The following EPHA7 variants were observed in gnomAD, a reference collection of about 807,000 sequenced individuals.
EPHA7 encodes the protein ephrin type-A receptor 7.
Under a neutral mutation model 112.6 loss-of-function variants are expected in EPHA7, and 25 were observed. The ratio of observed to expected loss-of-function variants is 0.22; its 90% CI spans 0.16 to 0.31. The LOEUF is 0.31. Ranked by LOEUF, EPHA7 falls within the 10% of genes least tolerant of loss-of-function variation. The pLI is 1.00. For synonymous variants in EPHA7, 437 were observed against 406.5 expected (o/e 1.07, Z -0.90); for missense variants, 962 against 1,212.6 (o/e 0.79, Z 3.07).
rs374547252 is a variant in EPHA7 at position 93,256,008 on chromosome 6, C to T, written c.2202G>A (p.Gln734=). Residue 734 remains glutamine (Q), a synonymous_variant, in exon 13 of 17, where the codon CAG becomes CAA. Transcript: ENST00000369303. The part of the protein sequence containing the change: ...RKHDGQFTVI[Q]LVGMLRGIAA... ...CAATTCCTCTCAGCATTCCTACTAA[C>T]TGAATGACTGTAAATTGCCCATCAT... 25 of 1,613,924 alleles carry T rather than the reference C, an allele frequency of 1.5e-5. No homozygotes were observed. The highest frequency in any genetic ancestry group is 1.0e-5 in the Non-Finnish European group (12 of 1,180,002).
chr6:93,328,795 A>G (rs898037115), intron 5 of EPHA7, among the ~76,000 whole-genome samples: 6 of 151,438 alleles, frequency 4.0e-5, no homozygotes, highest in African/African-American at 1.5e-4. Context: ...AATAATAGGG[A>G]GAAAGAGGAA....
At chr6:93,254,919 T>A in intron 13 of EPHA7, 123 bp from the exon 14 acceptor site, 2 of 657,216 alleles carry the variant, frequency 3.0e-6, no homozygotes, top group Non-Finnish European at 5.0e-6. Context: ...TCTACCCATC[T>A]TGAATCTCTA....
At position 93,410,488 on chromosome 6, in the gene EPHA7, A is replaced by T. The variant is rs561923833; in HGVS notation, c.832+13T>A. ...AAAGGCAAAGTGGAGTTTTAATAGG[A>T]CACATTACTTACGTTCACAAGTGTC... On this transcript the variant is annotated intron_variant, in intron 3 of 16. Transcript: ENST00000369303. The surrounding 1 kb of genome is among the most constrained non-coding windows in gnomAD (Gnocchi z 4.0). 22 of 1,600,660 alleles carry T rather than the reference A, an allele frequency of 1.4e-5. No individual in the cohort carries two copies. In the South Asian group the frequency reaches 2.4e-4, roughly 18 times the overall value.
At chr6:93,379,583 T>A (rs1327738485) in intron 3 of EPHA7, among the ~76,000 whole-genome samples, 1 of 151,852 alleles carries the variant, frequency 6.6e-6, no homozygotes, top group Non-Finnish European at 1.5e-5. Flanking sequence ...TTTGGAAACA[T>A]AAAATACGTG....
chr6:93,289,012 GA>G (rs1350796953), intron 5 of EPHA7, among the ~76,000 whole-genome samples: 4 of 152,060 alleles, frequency 2.6e-5, no homozygotes, highest in Non-Finnish European at 5.9e-5. Flanking sequence ...TGCAACTTTA[GA>G]CATATATTAA....
At chr6:93,276,867 T>C (rs1771497415) in intron 5 of EPHA7, among the ~76,000 whole-genome samples, 1 of 152,042 alleles carries the variant, frequency 6.6e-6, no homozygotes, top group African/African-American at 2.4e-5. Flanking sequence ...TTTTTCTACA[T>C]TTACATGTTT....
At chr6:93,298,537 G>C (rs1772795360) in intron 5 of EPHA7, among the ~76,000 whole-genome samples, 1 of 152,056 alleles carries the variant, frequency 6.6e-6, no homozygotes, top group African/African-American at 2.4e-5. Flanking sequence ...AGCCATATTT[G>C]ATGAATAGTA....
chr6:93,292,893 TGTTTGCACTCATTTTGGAGAAG>T (rs1772454232), intron 5 of EPHA7, among the ~76,000 whole-genome samples: 1 of 152,130 alleles, frequency 6.6e-6, no homozygotes, highest in Non-Finnish European at 1.5e-5. Flanking sequence ...CATTTCTAAT[TGTTTGCACTCATTTTGGAGAAG>T]GTATAAACTC....
chr6:93,278,947 G>A (rs1771599378), intron 5 of EPHA7, among the ~76,000 whole-genome samples: 1 of 152,014 alleles, frequency 6.6e-6, no homozygotes, highest in Non-Finnish European at 1.5e-5. Flanking sequence ...TGATGTGCCA[G>A]GACATTAGGT....
chr6:93,418,590 G>A (rs1387256332), intron 1 of EPHA7, among the ~76,000 whole-genome samples: 1 of 152,228 alleles, frequency 6.6e-6, no homozygotes, highest in Non-Finnish European at 1.5e-5. Flanking sequence ...GCGCTGAATG[G>A]AGACATCCCC....
In EPHA7 at chr6:93,410,171, A is replaced by G; in HGVS notation, c.832+330T>C. ...ATCTCATTAAATCCTGTTAAATGTC[A>G]CCTCAGTCTTGCCAGGCTATATGTC... On this transcript the variant is annotated intron_variant, in intron 3 of 16. Coordinates refer to ENST00000369303, the MANE Select transcript of EPHA7 (RefSeq NM_004440.4). The surrounding 1 kb of genome is among the most constrained non-coding windows in gnomAD (Gnocchi z 4.0). 1 of 228,510 alleles carries G rather than the reference A, an allele frequency of 4.4e-6. No individual in the cohort carries two copies. Among genetic ancestry groups the G allele is most frequent in the Non-Finnish European group, 8.7e-6 (1 of 114,880 alleles). The allele number at this position is 228,510 out of a possible 1,614,324, so 14.2% of individuals were successfully genotyped here.
At position 93,410,190 on chromosome 6, in the gene EPHA7, A is replaced by G. The variant is rs1385273242; in HGVS notation, c.832+311T>C. 1.5e-5 allele frequency: 4 copies of G among 259,760 alleles called. No homozygotes were observed. Among genetic ancestry groups the G allele is most frequent in the South Asian group, 1.4e-4 (2 of 13,816 alleles). The allele number at this position is 259,760 out of a possible 1,614,324, so 16.1% of individuals were successfully genotyped here. A position where few individuals can be genotyped will look rare whatever the true frequency, so the allele number is the denominator to read the frequency against. On this transcript the variant is annotated intron_variant, in intron 3 of 16. Coordinates refer to ENST00000369303, the MANE Select transcript of EPHA7 (RefSeq NM_004440.4). The surrounding 1 kb of genome is among the most constrained non-coding windows in gnomAD (Gnocchi z 4.0). ...AATGTCACCTCAGTCTTGCCAGGCT[A>G]TATGTCCAACTACCCAGACTCCTCT...
intron 5 of EPHA7, among the ~76,000 whole-genome samples, chr6:93,295,678 T>C (rs1196865631): frequency 2.0e-5 from 3 of 151,758 alleles, no homozygotes; most frequent in Non-Finnish European, 4.4e-5. Flanking sequence ...TCTTTGAAAG[T>C]GTTTATTTAT....
chr6:93,377,901 T>C (rs1777141731), intron 3 of EPHA7, among the ~76,000 whole-genome samples: 1 of 152,140 alleles, frequency 6.6e-6, no homozygotes, highest in South Asian at 2.1e-4. Context: ...CTTATGTTCT[T>C]ATTATGCTAA....
At chr6:93,357,100 A>C in intron 4 of EPHA7, 48 bp from the exon 5 acceptor site, 3 of 1,415,804 alleles carry the variant, frequency 2.1e-6, no homozygotes, top group Non-Finnish European at 2.9e-6. Flanking sequence ...ATAGAAAAAA[A>C]AACATACAAA....
At chr6:93,386,109 A>C (rs932064493) in intron 3 of EPHA7, among the ~76,000 whole-genome samples, 29 of 152,108 alleles carry the variant, frequency 1.9e-4, no homozygotes, top group African/African-American at 6.0e-4. Flanking sequence ...GCACCTCCCA[A>C]ATTTCATCCT....
At chr6:93,325,239 T>C (rs1774261151) in intron 5 of EPHA7, among the ~76,000 whole-genome samples, 1 of 151,368 alleles carries the variant, frequency 6.6e-6, no homozygotes, top group African/African-American at 2.4e-5. Context: ...TCAGAAACAA[T>C]TGGTCCTAAG....
chr6:93,311,248 C>T (rs991797771), intron 5 of EPHA7, among the ~76,000 whole-genome samples: 10 of 150,670 alleles, frequency 6.6e-5, no homozygotes, highest in African/African-American at 2.2e-4. Context: ...CAGGCATGAG[C>T]CTGGCCTGTG....
intron 13 of EPHA7, among the ~76,000 whole-genome samples, chr6:93,255,604 T>C (rs950971334): frequency 1.2e-4 from 19 of 152,104 alleles, no homozygotes; most frequent in African/African-American, 4.3e-4. Context: ...TCTCCCAATA[T>C]AGGGCAGTCA....
Sources: allele counts gnomAD v4.1 joint callset (sites outside exome capture counted in the v4.1 genomes callset), GRCh38; gene constraint gnomAD v4.1.1; non-coding constraint Gnocchi (gnomAD v3.1); transcripts MANE v1.5; gene names NCBI Gene and HGNC (gene_info 2026-07-23, HGNC 2026-07-21).